SUMF1: variants seen among roughly 807,000 people sequenced by gnomAD.
The protein encoded by SUMF1 is formylglycine-generating enzyme.
SUMF1 carries 48 observed loss-of-function variants against 47.6 expected under a neutral mutation model. The observed-to-expected ratio is 1.01, with a 90% CI of 0.80 to 1.28. SUMF1 has a LOEUF of 1.28. Among genes scored for constraint, SUMF1 ranks in the 50% most tolerant of loss-of-function variants. The probability of loss-of-function intolerance (pLI) is 0.00; values close to 1 mark genes in which losing one functional copy is unlikely to be tolerated. For missense variants in SUMF1, 571 were observed against 485.4 expected, an observed-to-expected ratio of 1.18 and a Z score of -1.66; for synonymous variants, 230 against 192.1, an observed-to-expected ratio of 1.20 and a Z score of -1.63.
intron 8 of SUMF1, among the ~76,000 whole-genome samples, chr3:4,261,786 C>A (rs140070329): frequency 2.6e-5 from 4 of 152,182 alleles, no homozygotes; most frequent in African/African-American, 9.6e-5. Context: ...GTGCCACGTA[C>A]AGATTTCTCC....
chr3:4,202,401 A>C (rs1220003108), intron 8 of SUMF1, among the ~76,000 whole-genome samples: 1 of 152,026 alleles, frequency 6.6e-6, no homozygotes, highest in African/African-American at 2.4e-5. Flanking sequence ...TCTGTCAAAA[A>C]TGAATTCATT....
At chr3:4,221,140 C>T (rs1274763971) in intron 8 of SUMF1, among the ~76,000 whole-genome samples, 2 of 152,020 alleles carry the variant, frequency 1.3e-5, no homozygotes, top group African/African-American at 4.8e-5. Flanking sequence ...CACCACAGGG[C>T]CTCTCTATAA....
chr3:4,087,264 C>T (rs773107126), intron 8 of SUMF1, among the ~76,000 whole-genome samples: 5 of 152,170 alleles, frequency 3.3e-5, no homozygotes, highest in Non-Finnish European at 7.3e-5. Flanking sequence ...TTTCTGATCT[C>T]GCAGACATGG....
intron 8 of SUMF1, among the ~76,000 whole-genome samples, chr3:4,091,250 T>C (rs1156930687): frequency 6.6e-6 from 1 of 152,156 alleles, no homozygotes; most frequent in East Asian, 1.9e-4. Context: ...TCTAAGAACC[T>C]ATTGGCTTTA....
At chr3:4,278,680 T>A (rs981312593) in intron 8 of SUMF1, among the ~76,000 whole-genome samples, 1 of 152,102 alleles carries the variant, frequency 6.6e-6, no homozygotes, top group African/African-American at 2.4e-5. Context: ...GAACCAAGAT[T>A]AGATAAATTA....
chr3:4,456,927 T>TATATATACGTGTGTGTAC (rs759701136), intron 1 of SUMF1, among the ~76,000 whole-genome samples: 2 of 131,936 alleles, frequency 1.5e-5, no homozygotes, highest in African/African-American at 5.7e-5. Context: ...TGTGTGTGTA[T>TATATATACGTGTGTGTAC]ATATATACGT....
rs571926219 is a variant in SUMF1, at chr3:4,317,956, T to TA, written c.1014+58373dup. Among the ~76,000 whole-genome samples the TA allele has an allele frequency of 3.2e-4, 49 of 152,136 alleles. No individual in the cohort carries two copies. In the South Asian group the frequency reaches 3.3e-3, roughly 10 times the overall value. ...TATAATGTCCTTCAAATGGCAGACT[T>TA]AAAGGGGGAAAAAGTCACTAAGAGG... On this transcript the variant is annotated intron_variant and NMD_transcript_variant, in intron 8 of 12. Transcript: ENST00000448413.
chr3:4,053,674 C>G (rs930147997), intron 9 of SUMF1, among the ~76,000 whole-genome samples: 2 of 152,108 alleles, frequency 1.3e-5, no homozygotes, highest in African/African-American at 4.8e-5. Flanking sequence ...CCTTTGAAAT[C>G]AGGGAGAATA....
rs577912980 is a variant in SUMF1 at position 4,345,272 on chromosome 3, G to A, written c.1014+31058C>T. Among the ~76,000 whole-genome samples the A allele has an allele frequency of 1.8e-3, 276 of 152,196 alleles. 5 individuals carry two copies. The South Asian group carries it at 0.024, about 13-fold the overall frequency. ...TCGAAATGAAGGAAAAAATGTTAAGGGCAGCCAGACAGAAAGGTCAGGTTA... is the reference window on the plus strand; with the variant it reads ...TCGAAATGAAGGAAAAAATGTTAAGAGCAGCCAGACAGAAAGGTCAGGTTA... On this transcript the variant is annotated intron_variant and NMD_transcript_variant, in intron 8 of 12. Transcript: ENST00000448413.
intron 8 of SUMF1, among the ~76,000 whole-genome samples, chr3:4,188,314 T>G (rs1695246215): frequency 6.6e-6 from 1 of 152,078 alleles, no homozygotes; most frequent in African/African-American, 2.4e-5. Context: ...TAGCTGGGAC[T>G]ACAGGAGGCA....
intron 9 of SUMF1, among the ~76,000 whole-genome samples, chr3:4,065,683 A>G (rs966428806): frequency 6.6e-6 from 1 of 152,090 alleles, no homozygotes; most frequent in African/African-American, 2.4e-5. Flanking sequence ...TTGAGTGCCT[A>G]TGGAGTGCTA....
chr3:4,110,980 AC>A (rs1265042698), intron 8 of SUMF1, among the ~76,000 whole-genome samples: 1 of 151,748 alleles, frequency 6.6e-6, no homozygotes, highest in Non-Finnish European at 1.5e-5. Context: ...GTACCCTATA[AC>A]TTAAAGTATA....
intron 8 of SUMF1, among the ~76,000 whole-genome samples, chr3:4,292,444 A>C (rs114679108): frequency 0.018 from 2,783 of 152,356 alleles, 34 homozygotes; most frequent in Middle Eastern, 0.051. Flanking sequence ...AAGGTGGGTG[A>C]GTCAGAAATT....
chr3:4,189,701 AGG>A (rs1695275068), intron 8 of SUMF1, among the ~76,000 whole-genome samples: 1 of 46,240 alleles, frequency 2.2e-5, no homozygotes, highest in South Asian at 4.6e-4. Context: ...GAAGAACTAA[AGG>A]AAGGAGAAGA....
chr3:4,245,642 A>G (rs537799911), intron 8 of SUMF1, among the ~76,000 whole-genome samples: 1 of 152,040 alleles, frequency 6.6e-6, no homozygotes, highest in Non-Finnish European at 1.5e-5. Context: ...CACCTGTATG[A>G]GGTGTCTGTC....
chr3:4,158,495 T>G (rs181359209), intron 8 of SUMF1, among the ~76,000 whole-genome samples: 18 of 151,686 alleles, frequency 1.2e-4, no homozygotes, highest in Admixed American at 1.1e-3. Flanking sequence ...TTAAGTACAA[T>G]GTTTTTGTTG....
At chr3:4,458,090 C>A (rs570435648) in intron 1 of SUMF1, among the ~76,000 whole-genome samples, 1 of 152,218 alleles carries the variant, frequency 6.6e-6, no homozygotes, top group South Asian at 2.1e-4. Context: ...ATAGACATTG[C>A]TCAAAAGACA....
intron 8 of SUMF1, among the ~76,000 whole-genome samples, chr3:4,170,537 GA>G (rs1694810815): frequency 6.6e-6 from 1 of 152,122 alleles, no homozygotes. Context: ...ATTTGATTTT[GA>G]AAAATGAACA....
In SUMF1 at chr3:4,042,467, G is replaced by T. The variant is rs904904097; in HGVS notation, c.1191+26102C>A. Reference sequence around the variant, plus strand: ...TGCAAAAAACACAACCTTGTACAAAGACCATTACAAACTTACACAAAAGAA... The same window carrying T: ...TGCAAAAAACACAACCTTGTACAAATACCATTACAAACTTACACAAAAGAA... On this transcript the variant is annotated intron_variant and NMD_transcript_variant, in intron 9 of 12. Coordinates refer to the SUMF1 transcript ENST00000448413. Among the ~76,000 whole-genome samples the T allele has an allele frequency of 4.6e-5, 7 of 152,118 alleles. No homozygotes were observed. The East Asian group carries it at 1.3e-3, about 29-fold the overall frequency.
Sources: allele counts gnomAD v4.1 joint callset (sites outside exome capture counted in the v4.1 genomes callset), GRCh38; gene constraint gnomAD v4.1.1; transcripts MANE v1.5; gene names NCBI Gene and HGNC (gene_info 2026-07-23, HGNC 2026-07-21).